The following SV2C variants were observed in gnomAD, a reference collection of about 807,000 sequenced individuals.
SV2C encodes synaptic vesicle glycoprotein 2C.
In SV2C, 49 loss-of-function variants were observed where a neutral mutation model predicts 79.7. The observed-to-expected ratio is 0.61, with a 90% confidence interval of 0.49 to 0.78. SV2C has a LOEUF of 0.78. Ranked by LOEUF, SV2C falls within the 30% of genes least tolerant of loss-of-function variation. The pLI, the probability that SV2C is intolerant of heterozygous loss-of-function variation, is 0.00. For synonymous variants in SV2C, 334 were observed against 333.2 expected, an observed-to-expected ratio of 1.00 and a Z score of -0.03; for missense variants, 833 against 912.9, an observed-to-expected ratio of 0.91 and a Z score of 1.13.
the SV2C span, among the ~76,000 whole-genome samples, chr5:76,024,094 T>C: frequency 6.6e-6 from 1 of 152,152 alleles, no homozygotes; most frequent in African/African-American, 2.4e-5. Flanking sequence ...TCAGGTTATT[T>C]TCTGTTTTTT....
intron 1 of SV2C, among the ~76,000 whole-genome samples, chr5:76,088,704 GA>G (rs1172054832): frequency 1.3e-5 from 2 of 152,086 alleles, no homozygotes; most frequent in African/African-American, 4.8e-5. Context: ...GTTGTTTATT[GA>G]AAACTTAAAA....
chr5:75,936,935 A>G, the SV2C span, among the ~76,000 whole-genome samples: 1 of 152,218 alleles, frequency 6.6e-6, no homozygotes, highest in Non-Finnish European at 1.5e-5. Context: ...AGACATAAAA[A>G]TGGCCACACA....
chr5:76,154,169 A>G (rs1742653748), intron 2 of SV2C, among the ~76,000 whole-genome samples: 1 of 152,184 alleles, frequency 6.6e-6, no homozygotes, highest in Non-Finnish European at 1.5e-5. Context: ...TCAACCTGCT[A>G]CCAGAAAGCC....
intron 1 of SV2C, among the ~76,000 whole-genome samples, chr5:76,122,935 G>GT (rs1748573833): frequency 6.6e-6 from 1 of 152,108 alleles, no homozygotes; most frequent in Non-Finnish European, 1.5e-5. Context: ...CCAGGAGCTG[G>GT]TTTTTTGAAA....
At chr5:75,984,308 T>G in the SV2C span, among the ~76,000 whole-genome samples, 1 of 152,114 alleles carries the variant, frequency 6.6e-6, no homozygotes, top group Non-Finnish European at 1.5e-5. Context: ...AATATGAAAC[T>G]TTCTTTTTAT....
At chr5:76,347,123 T>TGCAGC (rs1159203252) in intron 12 of SV2C, among the ~76,000 whole-genome samples, 2 of 98,984 alleles carry the variant, frequency 2.0e-5, no homozygotes, top group Admixed American at 8.9e-5. Flanking sequence ...TGAGCTGTGA[T>TGCAGC]GGAGGCCTCA....
At chr5:76,346,802 A>T (rs937061521) in intron 12 of SV2C, among the ~76,000 whole-genome samples, 4 of 152,188 alleles carry the variant, frequency 2.6e-5, no homozygotes, top group African/African-American at 4.8e-5. Context: ...GCCCTCAGTG[A>T]TCTGGCCCCT....
intron 4 of SV2C, among the ~76,000 whole-genome samples, chr5:76,257,481 T>A (rs917697148): frequency 4.5e-5 from 6 of 132,390 alleles, no homozygotes; most frequent in African/African-American, 1.5e-4. Flanking sequence ...TGTGTATGGG[T>A]GTGTGGGAGT....
chr5:76,169,458 T>A (rs1743148019), intron 2 of SV2C, among the ~76,000 whole-genome samples: 1 of 152,150 alleles, frequency 6.6e-6, no homozygotes, highest in South Asian at 2.1e-4. Context: ...AAGGCATAAG[T>A]AGGTATATTT....
At chr5:75,921,813 A>G in the SV2C span, among the ~76,000 whole-genome samples, 2 of 143,604 alleles carry the variant, frequency 1.4e-5, no homozygotes, top group African/African-American at 2.4e-5. Context: ...AAACAAATAT[A>G]TAGCAGGGTT....
intron 1 of SV2C, among the ~76,000 whole-genome samples, chr5:76,098,418 G>A (rs193103155): frequency 1.8e-4 from 28 of 152,328 alleles, no homozygotes; most frequent in Non-Finnish European, 4.4e-5. Context: ...GAGTGACCCA[G>A]GACTAAATAA....
rs554427292 is a variant in SV2C, at chr5:76,256,912, C to T, written c.914-28250C>T. 3.9e-5 allele frequency among the ~76,000 whole-genome samples: 6 copies of T among 152,340 alleles called. No homozygotes were observed. The East Asian group carries it at 1.2e-3, about 29-fold the overall frequency. On this transcript the variant is annotated intron_variant, in intron 4 of 12. Coordinates refer to ENST00000502798, the MANE Select transcript of SV2C (RefSeq NM_014979.4). The stretch of plus-strand genomic sequence containing the variant: ...TCCTCTTGATCGGGGTTGTAAGTTT[C>T]TAAAATTGCATTTGAACTTCTACCT...
the SV2C span, among the ~76,000 whole-genome samples, chr5:76,074,506 T>C: frequency 6.6e-6 from 1 of 152,210 alleles, no homozygotes; most frequent in Admixed American, 6.5e-5. Flanking sequence ...AAACTCAGGG[T>C]ACGGCCCTGA....
the SV2C span, among the ~76,000 whole-genome samples, chr5:75,887,565 C>T: frequency 6.6e-6 from 1 of 152,076 alleles, no homozygotes; most frequent in Admixed American, 6.6e-5. Context: ...GTTTATCTTC[C>T]ATCGTCTGGA....
At chr5:76,093,246 G>A (rs1747437835) in intron 1 of SV2C, among the ~76,000 whole-genome samples, 1 of 152,084 alleles carries the variant, frequency 6.6e-6, no homozygotes, top group Non-Finnish European at 1.5e-5. Context: ...CCTGACTTCA[G>A]TCCTTTGGAG....
chr5:76,036,916 C>G, the SV2C span, among the ~76,000 whole-genome samples: 9 of 152,276 alleles, frequency 5.9e-5, 1 homozygote, highest in South Asian at 1.9e-3. Context: ...TCACACAGTC[C>G]CATATTTCTT....
the SV2C span, among the ~76,000 whole-genome samples, chr5:75,961,124 C>G: frequency 6.6e-6 from 1 of 151,936 alleles, no homozygotes; most frequent in African/African-American, 2.4e-5. Flanking sequence ...TTTCCTTCTA[C>G]CTTGCCAATA....
the SV2C span, among the ~76,000 whole-genome samples, chr5:75,885,304 T>A: frequency 6.6e-6 from 1 of 152,112 alleles, no homozygotes; most frequent in Non-Finnish European, 1.5e-5. Flanking sequence ...AACTATCTAT[T>A]TAAGAATGTT....
chr5:75,980,253 T>G, the SV2C span, among the ~76,000 whole-genome samples: 1 of 152,030 alleles, frequency 6.6e-6, no homozygotes, highest in Admixed American at 6.6e-5. Context: ...AAGCTCAGGA[T>G]CATACAGATT....
Sources: allele counts gnomAD v4.1 joint callset (sites outside exome capture counted in the v4.1 genomes callset), GRCh38; gene constraint gnomAD v4.1.1; transcripts MANE v1.5; gene names NCBI Gene and HGNC (gene_info 2026-07-23, HGNC 2026-07-21).